SYCP2: variants seen among roughly 807,000 people sequenced by gnomAD.
SYCP2 encodes synaptonemal complex lateral element protein.
In SYCP2, 55 loss-of-function variants were observed where a neutral mutation model predicts 211.3. The ratio of observed to expected loss-of-function variants is 0.26; its 90% CI spans 0.21 to 0.33. The LOEUF is 0.33. Ranked by LOEUF, SYCP2 falls within the 10% of genes least tolerant of loss-of-function variation. The probability of loss-of-function intolerance (pLI) is 1.00; values close to 1 mark genes in which losing one functional copy is unlikely to be tolerated. For synonymous variants in SYCP2, 570 were observed against 555.2 expected (o/e 1.03, Z -0.37); for missense variants, 1,731 against 1,752.0 (o/e 0.99, Z 0.21).
intron 24 of SYCP2, among the ~76,000 whole-genome samples, chr20:59,890,272 A>G (rs896813138): frequency 2.0e-5 from 3 of 152,190 alleles, no homozygotes; most frequent in Non-Finnish European, 4.4e-5. Flanking sequence ...GCTGGAAACC[A>G]TCATTCTCAG....
At chr20:59,894,401 GA>G (rs565213878) in intron 20 of SYCP2, among the ~76,000 whole-genome samples, 5 of 151,742 alleles carry the variant, frequency 3.3e-5, no homozygotes, top group Admixed American at 6.6e-5. Flanking sequence ...CCCTTATTAA[GA>G]AACACTTAGA....
chr20:59,866,632 AAC>A (rs1451935066), intron 39 of SYCP2, 43 bp from the exon 40 acceptor site: 8 of 1,345,722 alleles, frequency 5.9e-6, no homozygotes, highest in Non-Finnish European at 8.3e-6. Context: ...TTTACAAAAT[AAC>A]ACTCTAACCA....
intron 10 of SYCP2, among the ~76,000 whole-genome samples, chr20:59,914,743 A>G (rs2060402131): frequency 6.6e-6 from 1 of 151,972 alleles, no homozygotes; most frequent in South Asian, 2.1e-4. Context: ...AAATCCATCA[A>G]TATGAAGAAT....
chr20:59,893,244 T>C (rs2059942730), intron 21 of SYCP2, 45 bp from the exon 22 acceptor site: 2 of 1,308,662 alleles, frequency 1.5e-6, no homozygotes, highest in Non-Finnish European at 2.2e-6. Context: ...TTTCATGCAG[T>C]TGGCAGGGGG....
intron 2 of SYCP2, among the ~76,000 whole-genome samples, chr20:59,927,479 T>A (rs1763707092): frequency 6.6e-6 from 1 of 152,064 alleles, no homozygotes; most frequent in African/African-American, 2.4e-5. Flanking sequence ...AGGTTTCAAT[T>A]TTCTGTTCTA....
At chr20:59,904,739 TAAA>T (rs879637894) in intron 15 of SYCP2, among the ~76,000 whole-genome samples, 1 of 152,044 alleles carries the variant, frequency 6.6e-6, no homozygotes, top group South Asian at 2.1e-4. Flanking sequence ...GGGAAACTTA[TAAA>T]AAAAGATTTA....
chr20:59,929,877 G>C (rs1456123158), intron 2 of SYCP2, among the ~76,000 whole-genome samples: 2 of 151,934 alleles, frequency 1.3e-5, no homozygotes, highest in African/African-American at 2.4e-5. Flanking sequence ...ATTTAGAGGA[G>C]TGTAGTAAAG....
chr20:59,883,879 G>A (rs1021601668), intron 26 of SYCP2, among the ~76,000 whole-genome samples: 2 of 151,796 alleles, frequency 1.3e-5, no homozygotes, highest in Non-Finnish European at 2.9e-5. Context: ...TTATATTTGG[G>A]ATATTTGCTA....
chr20:59,887,083 T>C (rs1657399344), intron 24 of SYCP2, among the ~76,000 whole-genome samples: 3 of 152,140 alleles, frequency 2.0e-5, no homozygotes, highest in Admixed American at 2.0e-4. Flanking sequence ...ACATGTGCCA[T>C]GCCAGTGTGC....
At chr20:59,908,798 A>G (rs1353069048) in intron 14 of SYCP2, among the ~76,000 whole-genome samples, 1 of 151,754 alleles carries the variant, frequency 6.6e-6, no homozygotes, top group African/African-American at 2.4e-5. Flanking sequence ...CCTGACCTCA[A>G]TTTTTTCCTT....
rs200781798 is a variant in SYCP2, at chr20:59,901,640, T to C, written c.1182+22A>G. The C allele has an allele frequency of 1.7e-5, 22 of 1,327,636 alleles. No homozygotes were observed. The African/African-American group carries it at 3.0e-4, about 18-fold the overall frequency. 82.2% of individuals were successfully genotyped at this position (1,327,636 alleles called of 1,614,324 possible). A position where few individuals can be genotyped will look rare whatever the true frequency, so the allele number is the denominator to read the frequency against. The stretch of plus-strand genomic sequence containing the variant: ...TCCAGAATTATGAAAATAGTAAATA[T>C]TTATTAAGTTTAAAGACTTACCCTA... On this transcript the variant is annotated intron_variant, in intron 16 of 44. Transcript: ENST00000357552.
chr20:59,932,077 G>A lies in SYCP2; in HGVS notation c.-62C>T, dbSNP rs2060758256. On this transcript the variant is annotated 5_prime_UTR_variant, in exon 2 of 45. Coordinates refer to ENST00000357552, the MANE Select transcript of SYCP2 (RefSeq NM_014258.4). The stretch of plus-strand genomic sequence containing the variant: ...GTGGATTTACCTGACAAGTAAGCAG[G>A]CTCTGGGCTCCAGTCTACTGAACTG... 6.6e-6 allele frequency: 1 copy of A among 152,136 alleles called. No individual in the cohort carries two copies. Among genetic ancestry groups the A allele is most frequent in the Non-Finnish European group, 1.5e-5 (1 of 68,036 alleles). 9.4% of individuals were successfully genotyped at this position (152,136 alleles called of 1,614,324 possible).
chr20:59,900,774 C>A lies in SYCP2; in HGVS notation c.1227G>T (p.Leu409=), dbSNP rs753308338. 1.2e-5 allele frequency: 19 copies of A among 1,612,868 alleles called. No homozygotes were observed. The highest frequency in any genetic ancestry group is 1.6e-5 in the Non-Finnish European group (19 of 1,179,218). ...KQGISVAKTS[L]HILFDASGSQ... ...ATCCACTTGCGTCAAAAAGTATATG[C>A]AGCGACGTTTTGGCAACTGAAATAC... The change falls in exon 17 of 45, where the codon CTG becomes CTT. Residue 409 remains leucine, a synonymous_variant. Transcript: ENST00000357552.
chr20:59,913,098 T>G (rs1245689264), intron 12 of SYCP2, among the ~76,000 whole-genome samples: 1 of 152,238 alleles, frequency 6.6e-6, no homozygotes, highest in African/African-American at 2.4e-5. Flanking sequence ...GCTTATTGTT[T>G]CCATAGAACT....
chr20:59,869,482 G>A (rs922193858), intron 36 of SYCP2, among the ~76,000 whole-genome samples: 14 of 151,572 alleles, frequency 9.2e-5, no homozygotes, highest in African/African-American at 2.4e-5. Flanking sequence ...TTTTATGCTG[G>A]CAGGAAGTTC....
At chr20:59,891,736 C>G (rs2059910249) in intron 24 of SYCP2, among the ~76,000 whole-genome samples, 1 of 151,518 alleles carries the variant, frequency 6.6e-6, no homozygotes, top group Non-Finnish European at 1.5e-5. Context: ...TGGGAGGAAC[C>G]TAAAAAGAAG....
intron 25 of SYCP2, among the ~76,000 whole-genome samples, chr20:59,886,299 TAAAC>T (rs138031310): frequency 0.02 from 3,028 of 152,162 alleles, 103 homozygotes; most frequent in African/African-American, 0.069. Flanking sequence ...CATTTTGTAA[TAAAC>T]AATCTTTGGA....
At position 59,864,291 on chromosome 20, in the gene SYCP2, A is replaced by C; in HGVS notation, c.*20T>G. ...ACAGAGAATAATAATTAGATAAAGT[A>C]TGGTGATAAAAACTAGATTTCACAC... On this transcript the variant is annotated 3_prime_UTR_variant, in exon 45 of 45. Transcript: ENST00000357552. 2 of 1,496,160 alleles carry C rather than the reference A, an allele frequency of 1.3e-6. No individual in the cohort carries two copies. Among genetic ancestry groups the C allele is most frequent in the South Asian group, 2.4e-5 (2 of 84,994 alleles). 92.7% of individuals were successfully genotyped at this position (1,496,160 alleles called of 1,614,324 possible).
At chr20:59,914,308 G>C in intron 10 of SYCP2, 57 bp from the exon 11 acceptor site, 1 of 1,049,106 alleles carries the variant, frequency 9.5e-7, no homozygotes, top group Non-Finnish European at 1.4e-6. Flanking sequence ...GTTTATAAAA[G>C]ACCATATATT....
Sources: gnomAD v4.1 joint callset for allele counts (sites outside exome capture counted in the v4.1 genomes callset) on GRCh38, gnomAD v4.1.1 for gene constraint, MANE v1.5 for transcripts, NCBI Gene and HGNC (gene_info 2026-07-23, HGNC 2026-07-21) for gene names.